The following SNTG1 variants were observed in gnomAD, a reference collection of about 807,000 sequenced individuals.
SNTG1 encodes syntrophin gamma 1.
SNTG1 carries 39 observed loss-of-function variants against 74.7 expected under a neutral mutation model. That is an observed-to-expected ratio of 0.52 (90% CI 0.40 to 0.68). SNTG1 has a LOEUF of 0.68. Ranked by LOEUF, SNTG1 falls within the 30% of genes least tolerant of loss-of-function variation. SNTG1 has a pLI of 0.00. For missense variants in SNTG1, 685 were observed against 609.5 expected, an observed-to-expected ratio of 1.12 and a Z score of -1.30; for synonymous variants, 254 against 217.1, an observed-to-expected ratio of 1.17 and a Z score of -1.49.
At chr8:50,085,698 G>T (rs1238276588) in intron 1 of SNTG1, among the ~76,000 whole-genome samples, 1 of 152,166 alleles carries the variant, frequency 6.6e-6, no homozygotes, top group Non-Finnish European at 1.5e-5. Flanking sequence ...CTGGAGCCTA[G>T]AATGTAAATC....
rs568105853 is a variant in SNTG1, at chr8:50,100,758, T to C, written c.-102-71803T>C. ...ATTTCCATTTTCAGGTTTTTAAAAG[T>C]ACAATAATACTTAACATTCCTTTTT... On this transcript the variant is annotated intron_variant, in intron 1 of 18. Transcript: ENST00000642720. 3.3e-5 allele frequency among the ~76,000 whole-genome samples: 5 copies of C among 152,212 alleles called. No homozygotes were observed. In the South Asian group the frequency reaches 1.0e-3, roughly 32 times the overall value.
At chr8:50,207,310 C>G (rs899648969) in intron 2 of SNTG1, among the ~76,000 whole-genome samples, 1 of 152,062 alleles carries the variant, frequency 6.6e-6, no homozygotes, top group Non-Finnish European at 1.5e-5. Flanking sequence ...TGTATATGTC[C>G]AGGAATTTAT....
intron 1 of SNTG1, among the ~76,000 whole-genome samples, chr8:50,099,921 A>G (rs2080061999): frequency 6.6e-6 from 1 of 152,010 alleles, no homozygotes; most frequent in Admixed American, 6.6e-5. Flanking sequence ...ATTTTCTCCC[A>G]TTTTGTAGGT....
chr8:50,329,007 C>G (rs1372459607), intron 2 of SNTG1, among the ~76,000 whole-genome samples: 2 of 152,116 alleles, frequency 1.3e-5, no homozygotes, highest in Admixed American at 6.5e-5. Flanking sequence ...TTGGCCAAAA[C>G]AAAAGAGCTA....
At chr8:50,377,689 A>G (rs1257711942) in intron 2 of SNTG1, among the ~76,000 whole-genome samples, 1 of 152,236 alleles carries the variant, frequency 6.6e-6, no homozygotes, top group African/African-American at 2.4e-5. Context: ...ATATAAAGCA[A>G]AATCACCTAA....
At chr8:50,778,000 AT>A (rs1396308229) in intron 18 of SNTG1, among the ~76,000 whole-genome samples, 2 of 151,736 alleles carry the variant, frequency 1.3e-5, no homozygotes, top group African/African-American at 2.4e-5. Flanking sequence ...ATGATTTCCA[AT>A]TTCATCCATG....
chr8:50,612,421 A>G lies in SNTG1; in HGVS notation c.849+21504A>G, dbSNP rs193031090. 5.3e-5 allele frequency among the ~76,000 whole-genome samples: 8 copies of G among 152,290 alleles called. No homozygotes were observed. In the East Asian group the frequency reaches 1.4e-3, roughly 26 times the overall value. On this transcript the variant is annotated intron_variant, in intron 13 of 18. Transcript: ENST00000642720. ...AATTTTATTAAAATGCTTTCTCTAA[A>G]TTTCTCTTCATAATACATTACATTT...
At chr8:50,069,497 C>CA (rs756087623) in intron 1 of SNTG1, among the ~76,000 whole-genome samples, 12 of 146,178 alleles carry the variant, frequency 8.2e-5, no homozygotes, top group Non-Finnish European at 1.3e-4. Context: ...TTGTTTATTG[C>CA]AAAAAATTGT....
chr8:50,323,488 G>A (rs569284321), intron 2 of SNTG1, among the ~76,000 whole-genome samples: 4 of 152,240 alleles, frequency 2.6e-5, no homozygotes, highest in African/African-American at 9.6e-5. Flanking sequence ...TGTCCTTCTT[G>A]GGAAGACTTA....
chr8:50,234,649 A>C (rs902541488), intron 2 of SNTG1, among the ~76,000 whole-genome samples: 6 of 152,084 alleles, frequency 3.9e-5, no homozygotes, highest in African/African-American at 1.2e-4. Context: ...TGAATGTATA[A>C]AAAGTCAAAA....
chr8:50,270,320 G>A (rs1019523134), intron 2 of SNTG1, among the ~76,000 whole-genome samples: 1 of 152,158 alleles, frequency 6.6e-6, no homozygotes, highest in African/African-American at 2.4e-5. Flanking sequence ...AAATGTGTAT[G>A]TGAAAACTTT....
At chr8:50,360,096 C>G (rs2091917766) in intron 2 of SNTG1, among the ~76,000 whole-genome samples, 1 of 151,986 alleles carries the variant, frequency 6.6e-6, no homozygotes, top group Non-Finnish European at 1.5e-5. Flanking sequence ...CTCTTATTAA[C>G]TGGTCTAACA....
chr8:50,464,225 C>G (rs945139291), intron 8 of SNTG1, among the ~76,000 whole-genome samples: 4 of 152,196 alleles, frequency 2.6e-5, no homozygotes, highest in African/African-American at 7.2e-5. Flanking sequence ...TTTGCATCTT[C>G]ACTTGAGTAG....
chr8:50,266,942 A>G (rs1379933658), intron 2 of SNTG1, among the ~76,000 whole-genome samples: 1 of 152,000 alleles, frequency 6.6e-6, no homozygotes, highest in African/African-American at 2.4e-5. Flanking sequence ...AACGTTAACA[A>G]GATCACCACG....
At chr8:50,079,641 G>A (rs1409744580) in intron 1 of SNTG1, among the ~76,000 whole-genome samples, 2 of 152,034 alleles carry the variant, frequency 1.3e-5, no homozygotes, top group Non-Finnish European at 2.9e-5. Context: ...CTTTGCTCAT[G>A]CCTATGTCCT....
chr8:50,223,148 C>A (rs1166965502), intron 2 of SNTG1, among the ~76,000 whole-genome samples: 2 of 151,926 alleles, frequency 1.3e-5, no homozygotes, highest in African/African-American at 4.8e-5. Flanking sequence ...AAAGATATAT[C>A]AAGGGGAGGG....
chr8:50,117,867 G>C (rs1286364119), intron 1 of SNTG1, among the ~76,000 whole-genome samples: 1 of 152,012 alleles, frequency 6.6e-6, no homozygotes, highest in Non-Finnish European at 1.5e-5. Flanking sequence ...GGTTATGTTT[G>C]GTTTTGCTTC....
chr8:50,741,808 G>GAAAAGGCAAAACTGTGAAGATAA (rs2095544082), intron 17 of SNTG1, among the ~76,000 whole-genome samples: 1 of 152,020 alleles, frequency 6.6e-6, no homozygotes, highest in African/African-American at 2.4e-5. Context: ...TGAGATTCTG[G>GAAAAGGCAAAACTGTGAAGATAA]AAAAGGCAAA....
rs2086143188 is a variant in SNTG1, at chr8:50,241,074, AGAGT to A, written c.-28+68440_-28+68443del. 4.6e-5 allele frequency among the ~76,000 whole-genome samples: 7 copies of A among 152,346 alleles called. No individual in the cohort carries two copies. In the South Asian group the frequency reaches 1.4e-3, roughly 32 times the overall value. ...TAGTCTTCTCTTTCCTTAGGAAGTT[AGAGT>A]AAGTAGAAAGACAATTTCCTCTCAG... On this transcript the variant is annotated intron_variant, in intron 2 of 18. Coordinates refer to ENST00000642720, the MANE Select transcript of SNTG1 (RefSeq NM_018967.5).
Sources: allele counts gnomAD v4.1 joint callset (sites outside exome capture counted in the v4.1 genomes callset), GRCh38; gene constraint gnomAD v4.1.1; transcripts MANE v1.5; gene names NCBI Gene and HGNC (gene_info 2026-07-23, HGNC 2026-07-21).